Variants in CAMTA1 observed in about 807,000 individuals in gnomAD.
The protein encoded by CAMTA1 is calmodulin-binding transcription activator 1.
Under a neutral mutation model 170.9 loss-of-function variants are expected in CAMTA1, and 27 were observed. That is an observed-to-expected ratio of 0.16 (90% CI 0.12 to 0.22). The LOEUF (loss-of-function observed/expected upper bound fraction) is 0.22, where lower values mean the gene tolerates loss of function less well. Among genes scored for constraint, CAMTA1 ranks in the 10% least tolerant of loss-of-function variants. The pLI, the probability that CAMTA1 is intolerant of heterozygous loss-of-function variation, is 1.00. For missense variants in CAMTA1, 1,619 were observed against 2,217.2 expected, an observed-to-expected ratio of 0.73 and a Z score of 5.42; for synonymous variants, 833 against 891.5, an observed-to-expected ratio of 0.93 and a Z score of 1.17.
intron 3 of CAMTA1, among the ~76,000 whole-genome samples, chr1:6,987,224 G>A (rs1045677827): frequency 9.3e-5 from 14 of 151,264 alleles, no homozygotes; most frequent in African/African-American, 2.7e-4. Context: ...GTGCAGTGGC[G>A]CAATCTTAGC....
chr1:7,763,849 T>C (rs2096995675), intron 22 of CAMTA1, among the ~76,000 whole-genome samples: 1 of 152,234 alleles, frequency 6.6e-6, no homozygotes, highest in Non-Finnish European at 1.5e-5. Context: ...CCTCAAATTA[T>C]AGACATCTCA....
chr1:7,769,463 T>C lies in CAMTA1; in HGVS notation c.*2972T>C, dbSNP rs992491320. On this transcript the variant is annotated 3_prime_UTR_variant, in exon 23 of 23. Coordinates refer to ENST00000303635, the MANE Select transcript of CAMTA1 (RefSeq NM_015215.4). ...CGCTTATGGCAGTTCCACACAGTAG[T>C]TGGCGCCCAATGGGGGGTCCCTGAG... The C allele has an allele frequency of 1.3e-5, 2 of 152,782 alleles. No individual in the cohort carries two copies. The highest frequency in any genetic ancestry group is 6.5e-5 in the Admixed American group (1 of 15,286). 9.5% of individuals were successfully genotyped at this position (152,782 alleles called of 1,614,324 possible). A position where few individuals can be genotyped will look rare whatever the true frequency, so the allele number is the denominator to read the frequency against.
At chr1:7,231,704 C>T (rs1413092233) in intron 4 of CAMTA1, among the ~76,000 whole-genome samples, 6 of 152,272 alleles carry the variant, frequency 3.9e-5, no homozygotes, top group South Asian at 2.1e-4. Flanking sequence ...TATGTGGCTC[C>T]GATGAGATGG....
intron 6 of CAMTA1, among the ~76,000 whole-genome samples, chr1:7,538,214 C>T (rs1013386710): frequency 7.2e-5 from 11 of 152,186 alleles, no homozygotes; most frequent in Non-Finnish European, 1.3e-4. Context: ...CTCAGGCTAC[C>T]AGCATGATGT....
intron 6 of CAMTA1, among the ~76,000 whole-genome samples, chr1:7,510,289 T>C (rs1168184828): frequency 6.9e-6 from 1 of 144,824 alleles, no homozygotes; most frequent in Non-Finnish European, 1.5e-5. Flanking sequence ...CCCCCGGGAA[T>C]TCTGGGTGCC....
chr1:7,265,999 C>G (rs1668863770), intron 5 of CAMTA1, among the ~76,000 whole-genome samples: 1 of 152,248 alleles, frequency 6.6e-6, no homozygotes, highest in Non-Finnish European at 1.5e-5. Flanking sequence ...AAGTGGAGCT[C>G]TCTTCCCTTG....
At chr1:7,236,173 T>A (rs925565408) in intron 4 of CAMTA1, among the ~76,000 whole-genome samples, 2 of 152,204 alleles carry the variant, frequency 1.3e-5, no homozygotes, top group African/African-American at 4.8e-5. Flanking sequence ...TGAAAGTTAG[T>A]AAGCCAGTTC....
At chr1:7,756,127 T>G (rs933888955) in intron 22 of CAMTA1, among the ~76,000 whole-genome samples, 1 of 152,034 alleles carries the variant, frequency 6.6e-6, no homozygotes, top group Admixed American at 6.5e-5. Context: ...TACTAGGGTT[T>G]TTTTTTTTTA....
At chr1:6,912,378 G>A (rs937884037) in intron 3 of CAMTA1, among the ~76,000 whole-genome samples, 1 of 152,196 alleles carries the variant, frequency 6.6e-6, no homozygotes, top group Non-Finnish European at 1.5e-5. Context: ...AAGTCACCAA[G>A]TGTGAAAATG....
intron 6 of CAMTA1, among the ~76,000 whole-genome samples, chr1:7,573,762 G>C (rs1403429634): frequency 1.3e-5 from 2 of 152,036 alleles, no homozygotes; most frequent in African/African-American, 2.4e-5. Flanking sequence ...ATCGTTTTTT[G>C]GGTTTTTTTG....
chr1:6,930,573 C>T (rs1305652292), intron 3 of CAMTA1, among the ~76,000 whole-genome samples: 3 of 152,134 alleles, frequency 2.0e-5, no homozygotes, highest in Admixed American at 1.3e-4. Flanking sequence ...GGGGTTCGGC[C>T]CTCATCACTG....
At chr1:7,477,449 A>G (rs1297744364) in intron 6 of CAMTA1, among the ~76,000 whole-genome samples, 2 of 152,178 alleles carry the variant, frequency 1.3e-5, no homozygotes, top group African/African-American at 4.8e-5. Context: ...TGTGCAAAAA[A>G]TTGCTCAATT....
At chr1:6,975,016 C>G (rs751836896) in intron 3 of CAMTA1, among the ~76,000 whole-genome samples, 3 of 152,222 alleles carry the variant, frequency 2.0e-5, no homozygotes, top group Non-Finnish European at 4.4e-5. Flanking sequence ...ATCCTGCCAA[C>G]TTAAATTATC....
chr1:7,542,440 T>C (rs1244425555), intron 6 of CAMTA1, among the ~76,000 whole-genome samples: 1 of 152,164 alleles, frequency 6.6e-6, no homozygotes. Context: ...TTTTTTTTGT[T>C]TGTTTGTTTT....
intron 9 of CAMTA1, among the ~76,000 whole-genome samples, chr1:7,667,718 G>A (rs2096013768): frequency 6.6e-6 from 1 of 152,156 alleles, no homozygotes; most frequent in South Asian, 2.1e-4. Flanking sequence ...GCCACACGAG[G>A]GCGGCCCAGG....
intron 3 of CAMTA1, among the ~76,000 whole-genome samples, chr1:6,953,116 A>T (rs1161975629): frequency 3.3e-5 from 5 of 152,188 alleles, no homozygotes; most frequent in Admixed American, 3.3e-4. Context: ...ATTCTTTGCA[A>T]ACATGATTTG....
chr1:7,666,196 C>G (rs2096000346), intron 9 of CAMTA1, among the ~76,000 whole-genome samples: 1 of 151,316 alleles, frequency 6.6e-6, no homozygotes, highest in Non-Finnish European at 1.5e-5. Flanking sequence ...GAAAAAGTCA[C>G]CATCATAGAT....
intron 4 of CAMTA1, among the ~76,000 whole-genome samples, chr1:7,170,091 T>A (rs1649289246): frequency 6.6e-6 from 1 of 152,204 alleles, no homozygotes; most frequent in Non-Finnish European, 1.5e-5. Context: ...TTCCTTCTTC[T>A]AATTTCTTAA....
At chr1:6,829,885 ATGT>A (rs1167461244) in intron 3 of CAMTA1, among the ~76,000 whole-genome samples, 1 of 152,182 alleles carries the variant, frequency 6.6e-6, no homozygotes, top group Non-Finnish European at 1.5e-5. Context: ...TGATTTTAAA[ATGT>A]TGTAACAAAG....
Sources: allele counts gnomAD v4.1 joint callset (sites outside exome capture counted in the v4.1 genomes callset), GRCh38; gene constraint gnomAD v4.1.1; transcripts MANE v1.5; gene names NCBI Gene and HGNC (gene_info 2026-07-23, HGNC 2026-07-21).